Variants in UBR1 observed in about 807,000 individuals in gnomAD.
UBR1 encodes E3 ubiquitin-protein ligase UBR1.
In UBR1, 102 loss-of-function variants were observed where a neutral mutation model predicts 242.1. The ratio of observed to expected loss-of-function variants is 0.42; its 90% confidence interval spans 0.36 to 0.50. The LOEUF (loss-of-function observed/expected upper bound fraction) is 0.50. UBR1 is among the 20% of genes least tolerant of loss of function. UBR1 has a pLI of 0.01. For missense variants in UBR1, 1,772 were observed against 2,101.8 expected (o/e 0.84, Z 3.07); for synonymous variants, 675 against 684.8 (o/e 0.99, Z 0.22).
At chr15:42,965,533 G>A (rs572360920) in intron 41 of UBR1, among the ~76,000 whole-genome samples, 4 of 150,158 alleles carry the variant, frequency 2.7e-5, no homozygotes, top group East Asian at 2.0e-4. Flanking sequence ...GCGCAATCTC[G>A]GCTCACTGCA....
chr15:43,054,760 G>A lies in UBR1; in HGVS notation c.1421C>T (p.Ala474Val). Reference sequence around the variant, plus strand: ...AACTTACTTTAGGTCACATATTACTGCATATACTCTTCCCAATTTGTCCTG... The same window carrying A: ...AACTTACTTTAGGTCACATATTACTACATATACTCTTCCCAATTTGTCCTG... ...YSQDKLGRVY[A>V]VICDLKYILI... Residue 474 changes from alanine (A) to valine (V), a missense_variant, in exon 12 of 47, where the codon GCA becomes GTA. Around this residue, in one of 3 missense-constraint regions of UBR1, gnomAD observed 734 missense variants for 893.3 expected, o/e 0.82. Coordinates refer to ENST00000290650, the MANE Select transcript of UBR1 (RefSeq NM_174916.3). 2 of 1,614,064 alleles carry A rather than the reference G, an allele frequency of 1.2e-6. No homozygotes were observed. The highest frequency in any genetic ancestry group is 1.7e-6 in the Non-Finnish European group (2 of 1,179,994).
In UBR1 at chr15:43,032,614, A is replaced by G. The variant is rs1366059171; in HGVS notation, c.2208T>C (p.Tyr736=). Residue 736 remains tyrosine, a synonymous_variant, in exon 20 of 47, where the codon TAT becomes TAC. Transcript: ENST00000290650. ...GAAGCATTTCTTCTATTAGTGTATTATATTGTTTAATCAAATCCTATAGAA... is the reference window on the plus strand; with the variant it reads ...GAAGCATTTCTTCTATTAGTGTATTGTATTGTTTAATCAAATCCTATAGAA... The part of the protein sequence containing the change: ...STKDQDLIKQ[Y]NTLIEEMLQV... 1.3e-6 allele frequency: 2 copies of G among 1,528,554 alleles called. No homozygotes were observed. The highest frequency in any genetic ancestry group is 1.7e-5 in the Admixed American group (1 of 58,872). 94.7% of individuals were successfully genotyped at this position (1,528,554 alleles called of 1,614,324 possible).
intron 29 of UBR1, among the ~76,000 whole-genome samples, chr15:43,014,009 G>C (rs1372581031): frequency 6.6e-6 from 1 of 152,218 alleles, no homozygotes; most frequent in East Asian, 1.9e-4. Flanking sequence ...AGCCTGCAGA[G>C]TGCCTGCGAT....
chr15:43,025,666 T>C, intron 23 of UBR1: 1 of 500,122 alleles, frequency 2.0e-6, no homozygotes, highest in Non-Finnish European at 3.6e-6. Context: ...CTGAAAATAT[T>C]TACCCAGTAC....
chr15:43,059,215 A>G, intron 8 of UBR1, 23 bp from the exon 9 acceptor site: 1 of 1,588,618 alleles, frequency 6.3e-7, no homozygotes, highest in South Asian at 1.1e-5. Context: ...GAGGTCACAC[A>G]GTTACACAAC....
chr15:43,027,872 C>T (rs1288147286), intron 21 of UBR1, 44 bp from the exon 22 acceptor site: 4 of 1,451,940 alleles, frequency 2.8e-6, no homozygotes, highest in Non-Finnish European at 3.9e-6. Flanking sequence ...CATATAATGA[C>T]TTCCACCTCT....
intron 15 of UBR1, among the ~76,000 whole-genome samples, chr15:43,042,037 G>A (rs2033426333): frequency 6.6e-6 from 1 of 152,184 alleles, no homozygotes; most frequent in South Asian, 2.1e-4. Flanking sequence ...GAAATAGCAA[G>A]TGTTGGCAAG....
intron 39 of UBR1, among the ~76,000 whole-genome samples, chr15:42,975,189 C>T (rs1197437359): frequency 6.6e-6 from 1 of 152,162 alleles, no homozygotes; most frequent in Non-Finnish European, 1.5e-5. Context: ...AGCCACCACC[C>T]GGCCTCTATT....
chr15:43,033,007 C>A (rs1055154714), intron 19 of UBR1, among the ~76,000 whole-genome samples: 8 of 152,156 alleles, frequency 5.3e-5, no homozygotes, highest in Admixed American at 1.3e-4. Flanking sequence ...TTCTCTAACA[C>A]GCCCCTCATT....
At position 43,047,238 on chromosome 15, in the gene UBR1, CA is replaced by C. The variant is rs1366691738; in HGVS notation, c.1590del (p.Asp531IlefsTer12). On this transcript the variant is annotated frameshift_variant, in exon 14 of 47. Transcript: ENST00000290650. LOFTEE classifies it high-confidence loss of function. ...RQVGQHIEVD[P>X]DWEAAIAIQM... is the part of the protein sequence containing the mutation. Reference sequence around the variant, plus strand: ...TGTATAGCAATGGCAGCCTCCCAATCAGGATCCACTTCAATGTGTTGCCCAA... The same window carrying C: ...TGTATAGCAATGGCAGCCTCCCAATCGGATCCACTTCAATGTGTTGCCCAA... The C allele has an allele frequency of 6.2e-7, 1 of 1,614,074 alleles. No homozygotes were observed. Among genetic ancestry groups the C allele is most frequent in the Non-Finnish European group, 8.5e-7 (1 of 1,180,036 alleles).
In UBR1 at chr15:42,943,661, T is replaced by G. The variant is rs567305764; in HGVS notation, c.*1668A>C. 6.6e-6 allele frequency: 1 copy of G among 152,332 alleles called. No individual in the cohort carries two copies. Among genetic ancestry groups the G allele is most frequent in the South Asian group, 2.1e-4 (1 of 4,826 alleles). The allele number at this position is 152,332 out of a possible 1,614,324, so 9.4% of individuals were successfully genotyped here. A position where few individuals can be genotyped will look rare whatever the true frequency, so the allele number is the denominator to read the frequency against. On this transcript the variant is annotated 3_prime_UTR_variant, in exon 47 of 47. Transcript: ENST00000290650. ...AGAAGTCAGTATCTTCTGTTTCCTA[T>G]TCTAGCCCAGATTTCCCAGTCAAAC...
chr15:43,021,526 T>C, intron 26 of UBR1, 151 bp from the exon 27 acceptor site: 2 of 680,974 alleles, frequency 2.9e-6, no homozygotes, highest in Non-Finnish European at 5.2e-6. Flanking sequence ...ATAAAATCTA[T>C]ACACATGCTT....
At chr15:43,029,422 C>A (rs1030588126) in intron 21 of UBR1, among the ~76,000 whole-genome samples, 4 of 152,156 alleles carry the variant, frequency 2.6e-5, no homozygotes, top group African/African-American at 7.2e-5. Context: ...CCAGTCATTA[C>A]CAGACAATGA....
intron 19 of UBR1, 43 bp from the exon 20 acceptor site, chr15:43,032,674 A>C (rs111729465): frequency 1.7e-6 from 2 of 1,205,688 alleles, no homozygotes; most frequent in African/African-American, 3.0e-5. Context: ...GAAGAACCAA[A>C]AACCTCCATA....
At chr15:43,024,718 A>G (rs2033156680) in intron 25 of UBR1, 111 bp downstream of exon 25, 6 of 1,471,098 alleles carry the variant, frequency 4.1e-6, no homozygotes, top group South Asian at 1.1e-5. Context: ...AATGACCCCT[A>G]TGTTTCCGGT....
intron 26 of UBR1, among the ~76,000 whole-genome samples, chr15:43,022,327 C>T (rs1258987645): frequency 6.6e-6 from 1 of 151,402 alleles, no homozygotes; most frequent in Non-Finnish European, 1.5e-5. Flanking sequence ...AATTCAGAAA[C>T]AATATCTTAT....
At position 43,003,919 on chromosome 15, in the gene UBR1, G is replaced by A; in HGVS notation, c.3427C>T (p.Pro1143Ser). The stretch of plus-strand genomic sequence containing the variant: ...GCCAAGTCTGGATCCATGAAAAGTG[G>A]GTCTAGGGCTTCTGGTACAAGGTAT... ...PIELSGEALD[P>S]LFMDPDLAYG... The change falls in exon 31 of 47, where the codon CCA becomes TCA. Residue 1143 changes from proline (P) to serine (S), a missense_variant. By Grantham distance (74) the Pro-to-Ser change is moderately conservative (BLOSUM62 -1). Coordinates refer to ENST00000290650, the MANE Select transcript of UBR1 (RefSeq NM_174916.3). 6.2e-7 allele frequency: 1 copy of A among 1,614,056 alleles called. No homozygotes were observed. Among genetic ancestry groups the A allele is most frequent in the Non-Finnish European group, 8.5e-7 (1 of 1,179,988 alleles).
chr15:43,080,878 G>C (rs1045471676), intron 3 of UBR1, among the ~76,000 whole-genome samples: 4 of 152,108 alleles, frequency 2.6e-5, no homozygotes, highest in African/African-American at 9.7e-5. Context: ...ATGAACACAG[G>C]AGGTGGAGGT....
intron 19 of UBR1, among the ~76,000 whole-genome samples, chr15:43,035,786 T>C (rs542569228): frequency 5.3e-4 from 81 of 151,826 alleles, no homozygotes; most frequent in Non-Finnish European, 1.0e-3. Context: ...CTTTAATCCA[T>C]CTTGAATTGA....
Sources: gnomAD v4.1 joint callset for allele counts (sites outside exome capture counted in the v4.1 genomes callset) on GRCh38, gnomAD v4.1.1 for gene constraint, gnomAD v4.1.1 regional missense constraint, MANE v1.5 for transcripts, NCBI Gene and HGNC (gene_info 2026-07-23, HGNC 2026-07-21) for gene names.